USP30: variants seen among roughly 807,000 people sequenced by gnomAD.
The protein encoded by USP30 is ubiquitin carboxyl-terminal hydrolase 30.
In USP30, 41 loss-of-function variants were observed where a neutral mutation model predicts 68.2. The observed-to-expected ratio is 0.60, with a 90% CI of 0.47 to 0.78. The LOEUF (loss-of-function observed/expected upper bound fraction) is 0.78, where lower values mean the gene tolerates loss of function less well. Among genes scored for constraint, USP30 ranks in the 30% least tolerant of loss-of-function variants. The pLI, the probability that USP30 is intolerant of heterozygous loss-of-function variation, is 0.00. For synonymous variants in USP30, 229 were observed against 253.7 expected (o/e 0.90, Z 0.93); for missense variants, 522 against 649.4 (o/e 0.80, Z 2.13).
In USP30 at chr12:109,067,585, C is replaced by T. The variant is rs1308283262; in HGVS notation, c.438C>T (p.Val146=). The change falls in exon 4 of 13, where the codon GTC becomes GTT. Residue 146 remains valine, a synonymous_variant. Coordinates refer to ENST00000257548, the MANE Select transcript of USP30 (RefSeq NM_032663.5). ...EVLDASCLLD[V]LRMYRWQISS... ...TAGATGCAAGCTGCTTGTTGGATGT[C>T]TTAAGAATGTACAGATGGCAGATCT... is the stretch of plus-strand genomic sequence containing the variant. The T allele has an allele frequency of 6.2e-7, 1 of 1,614,032 alleles. No individual in the cohort carries two copies.
At chr12:109,031,449 A>G (rs1433314) in intron 3 of USP30, among the ~76,000 whole-genome samples, 1 of 152,130 alleles carries the variant, frequency 6.6e-6, no homozygotes, top group African/African-American at 2.4e-5. Flanking sequence ...TTTCTTTAAA[A>G]GTTAAACATA....
At chr12:109,038,332 A>T (rs943693637) in intron 3 of USP30, among the ~76,000 whole-genome samples, 4 of 151,870 alleles carry the variant, frequency 2.6e-5, no homozygotes, top group Non-Finnish European at 4.4e-5. Context: ...CAAGGACATA[A>T]TCTCATTCAT....
chr12:109,081,623 G>GCGCGCGCACA (rs886662557), intron 8 of USP30: 3 of 499,556 alleles, frequency 6.0e-6, no homozygotes, highest in Non-Finnish European at 1.1e-5. Context: ...ACGCATGCGC[G>GCGCGCGCACA]CACACACACA....
At chr12:109,040,528 C>A (rs1255949065) in intron 3 of USP30, among the ~76,000 whole-genome samples, 2 of 152,200 alleles carry the variant, frequency 1.3e-5, no homozygotes, top group African/African-American at 4.8e-5. Flanking sequence ...CAGGAATCCA[C>A]CAAGAGCAGC....
At chr12:109,049,741 A>G (rs912139260), upstream of USP30, among the ~76,000 whole-genome samples, 1 of 152,112 alleles carries the variant, frequency 6.6e-6, no homozygotes, top group South Asian at 2.1e-4. Flanking sequence ...CTTGAACCCC[A>G]GGAGGTGGAG....
intron 9 of USP30, 109 bp downstream of exon 9, chr12:109,082,128 C>A: frequency 1.8e-6 from 2 of 1,134,354 alleles, no homozygotes; most frequent in Non-Finnish European, 1.3e-6. Flanking sequence ...TGGGTCTTTT[C>A]AGCCACTTCT....
chr12:109,082,102 T>G, intron 9 of USP30, 83 bp downstream of exon 9: 5 of 1,421,778 alleles, frequency 3.5e-6, no homozygotes, highest in Non-Finnish European at 5.0e-6. Flanking sequence ...CCCTGAGCTC[T>G]TCTGACTGTA....
intron 5 of USP30, 30 bp downstream of exon 5, chr12:109,071,740 G>A (rs775340201): frequency 1.3e-6 from 2 of 1,577,398 alleles, no homozygotes; most frequent in Admixed American, 1.7e-5. Flanking sequence ...AACACGTTCT[G>A]TGCAGCTTGT....
chr12:109,055,905 T>G (rs1420821152), intron 1 of USP30, among the ~76,000 whole-genome samples: 3 of 151,338 alleles, frequency 2.0e-5, no homozygotes, highest in South Asian at 2.1e-4. Flanking sequence ...AAAGAAAAAG[T>G]AGAAACATGT....
chr12:109,033,096 A>T (rs1208806756), intron 3 of USP30, among the ~76,000 whole-genome samples: 1 of 152,238 alleles, frequency 6.6e-6, no homozygotes, highest in African/African-American at 2.4e-5. Context: ...TAATTTTTTA[A>T]AAAGAAGCCC....
At chr12:109,069,852 T>TGTG (rs1275747523) in intron 4 of USP30, among the ~76,000 whole-genome samples, 1 of 151,854 alleles carries the variant, frequency 6.6e-6, no homozygotes, top group Non-Finnish European at 1.5e-5. Context: ...ACCGGAAGTA[T>TGTG]AAAAGAGAGT....
chr12:109,058,123 A>G lies in USP30; in HGVS notation c.376+15A>G. The G allele has an allele frequency of 6.3e-7, 1 of 1,587,692 alleles. No individual in the cohort carries two copies. The highest frequency in any genetic ancestry group is 8.6e-7 in the Non-Finnish European group (1 of 1,168,024). On this transcript the variant is annotated intron_variant, in intron 3 of 12. Transcript: ENST00000257548. ...CCTTCTGAAAGGTATCTAGATGGGA[A>G]TTTCAAGGGAATTATGTACCTTTTC...
chr12:109,046,616 T>G (rs2040607604), intron 3 of USP30, among the ~76,000 whole-genome samples: 1 of 152,170 alleles, frequency 6.6e-6, no homozygotes, highest in South Asian at 2.1e-4. Flanking sequence ...ACAATTAAAC[T>G]TAACCATCAC....
At chr12:109,075,245 C>A (rs1393202258) in intron 7 of USP30, among the ~76,000 whole-genome samples, 1 of 152,154 alleles carries the variant, frequency 6.6e-6, no homozygotes, top group East Asian at 1.9e-4. Flanking sequence ...TATAATAGTT[C>A]TATTCTTAAC....
chr12:109,073,650 C>A, intron 7 of USP30, 118 bp downstream of exon 7: 1 of 861,160 alleles, frequency 1.2e-6, no homozygotes, highest in South Asian at 1.6e-5. Context: ...TACCTGGCCT[C>A]TGCACACTAG....
intron 1 of USP30, among the ~76,000 whole-genome samples, chr12:109,024,549 T>C (rs546904584): frequency 6.7e-6 from 1 of 148,792 alleles, no homozygotes; most frequent in East Asian, 2.1e-4. Context: ...TGAGCCACCG[T>C]GCCCGGCCAC....
intron 3 of USP30, among the ~76,000 whole-genome samples, chr12:109,047,233 G>A (rs991873012): frequency 3.6e-4 from 54 of 151,758 alleles, no homozygotes; most frequent in Non-Finnish European, 7.5e-4. Context: ...CCTAAGAGAC[G>A]ATGTTTACCC....
intron 3 of USP30, among the ~76,000 whole-genome samples, chr12:109,029,294 T>A (rs1366637967): frequency 6.6e-6 from 1 of 152,224 alleles, no homozygotes; most frequent in African/African-American, 2.4e-5. Flanking sequence ...AGAATAAACC[T>A]GAGAGGGGCT....
chr12:109,073,599 A>G, intron 7 of USP30, 67 bp downstream of exon 7: 2 of 1,408,504 alleles, frequency 1.4e-6, no homozygotes, highest in Non-Finnish European at 2.0e-6. Flanking sequence ...TCTTGAAAGG[A>G]CCTAGAGAGT....
Sources: allele counts gnomAD v4.1 joint callset (sites outside exome capture counted in the v4.1 genomes callset), GRCh38; gene constraint gnomAD v4.1.1; transcripts MANE v1.5; gene names NCBI Gene and HGNC (gene_info 2026-07-23, HGNC 2026-07-21).